SETBP1: variants seen among roughly 807,000 people sequenced by gnomAD.
SETBP1 encodes SET binding protein 1, also known as SET-binding protein.
SETBP1 carries 9 observed loss-of-function variants against 101.0 expected under a neutral mutation model. The ratio of observed to expected loss-of-function variants is 0.09; its 90% confidence interval spans 0.05 to 0.16. SETBP1 has a LOEUF of 0.16. Ranked by LOEUF, SETBP1 falls within the 10% of genes least tolerant of loss-of-function variation. The pLI is 1.00. For synonymous variants in SETBP1, 818 were observed against 788.5 expected (o/e 1.04, Z -0.63); for missense variants, 1,858 against 2,033.8 (o/e 0.91, Z 1.66).
chr18:44,719,554 G>A (rs765468421), intron 2 of SETBP1, among the ~76,000 whole-genome samples: 1 of 152,184 alleles, frequency 6.6e-6, no homozygotes, highest in Non-Finnish European at 1.5e-5. Flanking sequence ...GGTACTGACA[G>A]CTTCCCACTG....
chr18:44,694,651 G>A (rs73952913), intron 1 of SETBP1, among the ~76,000 whole-genome samples: 3,171 of 152,270 alleles, frequency 0.021, 96 homozygotes, highest in African/African-American at 0.073. Flanking sequence ...ATGGTCTCTG[G>A]TAAGAGGAGT....
chr18:45,056,408 T>A (rs1386046454), intron 5 of SETBP1, among the ~76,000 whole-genome samples: 1 of 152,210 alleles, frequency 6.6e-6, no homozygotes, highest in African/African-American at 2.4e-5. Context: ...CATGCCCAAG[T>A]GTGACAGGTG....
chr18:45,019,901 T>A (rs1298678726), intron 4 of SETBP1, among the ~76,000 whole-genome samples: 1 of 152,092 alleles, frequency 6.6e-6, no homozygotes, highest in Non-Finnish European at 1.5e-5. Flanking sequence ...CCAGTGGCCA[T>A]GGGAAAGGAA....
intron 3 of SETBP1, among the ~76,000 whole-genome samples, chr18:44,898,111 A>G (rs772477030): frequency 3.3e-5 from 5 of 152,148 alleles, no homozygotes; most frequent in East Asian, 1.9e-4. Flanking sequence ...ATACCTTTCC[A>G]TAGAGAGATG....
intron 3 of SETBP1, among the ~76,000 whole-genome samples, chr18:44,933,111 T>C (rs1447379144): frequency 6.6e-6 from 1 of 152,206 alleles, no homozygotes; most frequent in African/African-American, 2.4e-5. Flanking sequence ...TTGATGATGG[T>C]GACGTACAGT....
At chr18:44,925,723 T>G (rs1311358971) in intron 3 of SETBP1, among the ~76,000 whole-genome samples, 2 of 152,234 alleles carry the variant, frequency 1.3e-5, no homozygotes, top group East Asian at 3.8e-4. Flanking sequence ...TTAGAAGAGT[T>G]CTCTCAACCA....
chr18:44,834,448 G>A (rs2072449942), intron 2 of SETBP1, among the ~76,000 whole-genome samples: 1 of 152,168 alleles, frequency 6.6e-6, no homozygotes. Context: ...ATTCAGAGCT[G>A]TGAGTCGAAA....
At chr18:44,747,328 T>G (rs992591924) in intron 2 of SETBP1, among the ~76,000 whole-genome samples, 5 of 152,180 alleles carry the variant, frequency 3.3e-5, no homozygotes, top group Admixed American at 1.3e-4. Flanking sequence ...TGGGACCTGC[T>G]CCAGGAGGTG....
rs983846392 is a variant in SETBP1 at position 45,036,063 on chromosome 18, G to A, written c.4001-2422G>A. On this transcript the variant is annotated intron_variant, in intron 4 of 5. Transcript: ENST00000649279. ...GAAGGCTAAGAAGTGGCCAGGTGCC[G>A]TGGCTTATGCCTGTAATCTCAACAC... Among the ~76,000 whole-genome samples the A allele has an allele frequency of 3.9e-5, 6 of 152,150 alleles. No homozygotes were observed. In the East Asian group the frequency reaches 5.8e-4, roughly 15 times the overall value.
At position 44,952,437 on chromosome 18, in the gene SETBP1, C is replaced by T; in HGVS notation, c.3097C>T (p.Pro1033Ser). The T allele has an allele frequency of 1.2e-6, 2 of 1,614,126 alleles. No individual in the cohort carries two copies. Among genetic ancestry groups the T allele is most frequent in the Non-Finnish European group, 1.7e-6 (2 of 1,180,028 alleles). The change falls in exon 4 of 6, where the codon CCT becomes TCT. Residue 1033 changes from proline (P) to serine (S), a missense_variant. Pro to Ser is a moderately conservative substitution (Grantham distance 74). Coordinates refer to ENST00000649279, the MANE Select transcript of SETBP1 (RefSeq NM_015559.3). Reference sequence around the variant, plus strand: ...AACCAATGACACCATGACAAAGGTGCCTTTTTTACAAGGGTTCAGCTACCC... The same window carrying T: ...AACCAATGACACCATGACAAAGGTGTCTTTTTTACAAGGGTTCAGCTACCC... ...AKTNDTMTKV[P>S]FLQGFSYPIP...
rs150396512 is a variant in SETBP1 at position 44,952,574 on chromosome 18, G to T, written c.3234G>T (p.Thr1078=). 2.5e-6 allele frequency: 4 copies of T among 1,613,794 alleles called. No individual in the cohort carries two copies. Among genetic ancestry groups the T allele is most frequent in the South Asian group, 1.1e-5 (1 of 91,074 alleles). Residue 1078 remains threonine (T), a synonymous_variant, in exon 4 of 6, where the codon ACG becomes ACT. Transcript: ENST00000649279. ...CAGCTCCTTTGTACCTATCGCACAC[G>T]CTTGGAGCAGCTTCCCCATTCATGA... ...QYPAPLYLSH[T]LGAASPFMRP...
At chr18:44,799,482 T>A (rs1476984129) in intron 2 of SETBP1, among the ~76,000 whole-genome samples, 1 of 152,154 alleles carries the variant, frequency 6.6e-6, no homozygotes, top group African/African-American at 2.4e-5. Flanking sequence ...CTCCTAAAAC[T>A]GCACTCTTGC....
intron 2 of SETBP1, among the ~76,000 whole-genome samples, chr18:44,706,591 C>CATAAAAAAAAA (rs2069223069): frequency 5.9e-5 from 1 of 16,966 alleles, no homozygotes; most frequent in African/African-American, 2.4e-4. Flanking sequence ...GACTCAATCT[C>CATAAAAAAAAA]AAAAAAAAAA....
chr18:44,912,519 A>C (rs1307389186), intron 3 of SETBP1, among the ~76,000 whole-genome samples: 1 of 152,024 alleles, frequency 6.6e-6, no homozygotes, highest in Non-Finnish European at 1.5e-5. Context: ...TTTTTGAGAC[A>C]GAGTCTGGCT....
chr18:45,060,013 G>A (rs1194220680), intron 5 of SETBP1, among the ~76,000 whole-genome samples: 3 of 152,186 alleles, frequency 2.0e-5, no homozygotes, highest in Non-Finnish European at 4.4e-5. Context: ...AGTTATGTAA[G>A]TAGTATACTT....
chr18:44,891,905 G>C (rs762694625), intron 3 of SETBP1, among the ~76,000 whole-genome samples: 18 of 152,002 alleles, frequency 1.2e-4, no homozygotes, highest in Non-Finnish European at 2.2e-4. Flanking sequence ...TTGAACGTTT[G>C]AACATTGCTT....
intron 2 of SETBP1, among the ~76,000 whole-genome samples, chr18:44,862,287 G>A (rs929808901): frequency 6.6e-6 from 1 of 152,214 alleles, no homozygotes; most frequent in Admixed American, 6.5e-5. Context: ...AGGCTTGCTT[G>A]GAGTTATGTA....
At chr18:44,967,792 C>A (rs2071752873) in intron 4 of SETBP1, among the ~76,000 whole-genome samples, 3 of 152,310 alleles carry the variant, frequency 2.0e-5, no homozygotes, top group Middle Eastern at 3.4e-3. Context: ...ATTCCTCCCC[C>A]ACCACACCAC....
At chr18:44,805,048 T>A (rs1460358835) in intron 2 of SETBP1, among the ~76,000 whole-genome samples, 1 of 152,096 alleles carries the variant, frequency 6.6e-6, no homozygotes, top group Non-Finnish European at 1.5e-5. Context: ...ATAAGCACTG[T>A]GTGTGCTTCA....
Sources: gnomAD v4.1 joint callset for allele counts (sites outside exome capture counted in the v4.1 genomes callset) on GRCh38, gnomAD v4.1.1 for gene constraint, MANE v1.5 for transcripts, NCBI Gene and HGNC (gene_info 2026-07-23, HGNC 2026-07-21) for gene names.